The following NEK2 variants were observed in gnomAD, a reference collection of about 807,000 sequenced individuals.
The protein encoded by NEK2 is serine/threonine-protein kinase Nek2.
Under a neutral mutation model 54.1 loss-of-function variants are expected in NEK2, and 28 were observed. The ratio of observed to expected loss-of-function variants is 0.52; its 90% confidence interval spans 0.38 to 0.71. The LOEUF is 0.71. Ranked by LOEUF, NEK2 falls within the 30% of genes least tolerant of loss-of-function variation. The pLI is 0.00. For synonymous variants in NEK2, 176 were observed against 193.1 expected, an observed-to-expected ratio of 0.91 and a Z score of 0.73; for missense variants, 407 against 531.5, an observed-to-expected ratio of 0.77 and a Z score of 2.30.
At chr1:211,668,505 A>C (rs1411351877) in intron 6 of NEK2, among the ~76,000 whole-genome samples, 1 of 152,154 alleles carries the variant, frequency 6.6e-6, no homozygotes, top group African/African-American at 2.4e-5. Flanking sequence ...TGAACAGACC[A>C]GGTGTGGTAG....
downstream of NEK2, among the ~76,000 whole-genome samples, chr1:211,661,830 G>A (rs1214628672): frequency 6.6e-6 from 1 of 152,124 alleles, no homozygotes; most frequent in African/African-American, 2.4e-5. Flanking sequence ...TCTGACAAAG[G>A]GCATTTTTTT....
At chr1:211,668,963 C>T in intron 6 of NEK2, 150 bp downstream of exon 6, 1 of 748,280 alleles carries the variant, frequency 1.3e-6, no homozygotes, top group South Asian at 1.7e-5. Flanking sequence ...ATTAAAAAGT[C>T]TAAAATACAT....
At position 211,673,554 on chromosome 1, in the gene NEK2, G is replaced by A; in HGVS notation, c.484C>T (p.Leu162=). 4 of 1,614,070 alleles carry A rather than the reference G, an allele frequency of 2.5e-6. No homozygotes were observed. The highest frequency in any genetic ancestry group is 3.4e-6 in the Non-Finnish European group (4 of 1,179,932). Residue 162 remains leucine (L), a synonymous_variant, in exon 3 of 8, where the codon CTA becomes TTA. Coordinates refer to ENST00000366999, the MANE Select transcript of NEK2 (RefSeq NM_002497.4). The part of the protein sequence containing the change: ...KQNVKLGDFG[L]ARILNHDTSF... ...GTGTCATGGTTTAATATTCTAGCTAGCCCAAAGTCTCCAAGCTTGACGTTT... is the reference window on the plus strand; with the variant it reads ...GTGTCATGGTTTAATATTCTAGCTAACCCAAAGTCTCCAAGCTTGACGTTT...
intron 7 of NEK2, among the ~76,000 whole-genome samples, chr1:211,664,068 T>G (rs1306000064): frequency 1.3e-5 from 2 of 151,540 alleles, no homozygotes; most frequent in African/African-American, 2.4e-5. Flanking sequence ...CTTTGTTTTT[T>G]TTTTTTTTTT....
chr1:211,675,158 T>C (rs995665362), intron 1 of NEK2, among the ~76,000 whole-genome samples: 5 of 151,780 alleles, frequency 3.3e-5, no homozygotes, highest in African/African-American at 1.2e-4. Flanking sequence ...AAGAGAGAAA[T>C]GGGGAGAGAA....
intron 4 of NEK2, 135 bp from the exon 5 acceptor site, chr1:211,670,542 T>A (rs560437897): frequency 1.9e-6 from 2 of 1,051,562 alleles, no homozygotes; most frequent in Non-Finnish European, 2.8e-6. Flanking sequence ...GGGATTTTCT[T>A]CTTATAAGTA....
chr1:211,660,224 C>A, downstream of NEK2: 1 of 328,386 alleles, frequency 3.0e-6, no homozygotes. Context: ...CACGCCAGCC[C>A]CAGAAAGATG....
In NEK2 at chr1:211,667,113, A is replaced by G. The variant is rs1378870994; in HGVS notation, c.1104T>C (p.Ser368=). 1 of 1,613,654 alleles carries G rather than the reference A, an allele frequency of 6.2e-7. No homozygotes were observed. The highest frequency in any genetic ancestry group is 1.3e-5 in the African/African-American group (1 of 74,920). The part of the protein sequence containing the change: ...LKERKFLSLA[S]NPELLNLPSS... ...CCAAGTTGATTCTCATACCTGGATT[A>G]CTTGCCAGAGACAGGAACTTCCGTT... Residue 368 remains serine (S), a synonymous_variant, in exon 7 of 8, where the codon AGT becomes AGC. Transcript: ENST00000366999.
downstream of NEK2, chr1:211,660,312 C>A: frequency 2.1e-6 from 1 of 473,298 alleles, no homozygotes; most frequent in Non-Finnish European, 4.2e-6. Context: ...CCTCATACTG[C>A]AAGAACACGG....
chr1:211,661,364 A>G, downstream of NEK2: 1 of 392,320 alleles, frequency 2.5e-6, no homozygotes. Flanking sequence ...TTTTCTATCA[A>G]ATGCATTGGG....
chr1:211,667,161 C>G lies in NEK2; in HGVS notation c.1056G>C (p.Leu352Phe), dbSNP rs768461134. The change falls in exon 7 of 8, where the codon TTG (leucine) becomes TTC (phenylalanine). Residue 352 changes from leucine (L) to phenylalanine (F), a missense_variant. By Grantham distance (22) the Leu-to-Phe change is conservative. Coordinates refer to ENST00000366999, the MANE Select transcript of NEK2 (RefSeq NM_002497.4). ...EDKLARAENL[L>F]KNYSLLKERK... ...GTTCCTTTAGCAAGCTGTAGTTCTT[C>G]AACAGATTTTCTGCTCTAGCCAGTT... The G allele has an allele frequency of 9.9e-6, 16 of 1,613,716 alleles. 1 individual carries two copies. The highest frequency in any genetic ancestry group is 4.2e-6 in the Non-Finnish European group (5 of 1,179,802).
intron 7 of NEK2, 151 bp downstream of exon 7, chr1:211,666,955 T>C: frequency 6.9e-7 from 1 of 1,453,822 alleles, no homozygotes; most frequent in Non-Finnish European, 9.0e-7. Context: ...CAGAATTTTG[T>C]TTCCATTGAA....
At chr1:211,671,466 T>C (rs769828387) in intron 3 of NEK2, among the ~76,000 whole-genome samples, 182 bp from the exon 4 acceptor site, 2 of 152,242 alleles carry the variant, frequency 1.3e-5, no homozygotes, top group Admixed American at 6.5e-5. Context: ...CACTCCATCA[T>C]ACATAATTCA....
chr1:211,670,131 A>T (rs1452535719), intron 5 of NEK2, 150 bp downstream of exon 5: 7 of 775,924 alleles, frequency 9.0e-6, no homozygotes, highest in South Asian at 3.5e-5. Context: ...CCAAATTTAC[A>T]TATGTTTTCA....
chr1:211,670,902 T>C (rs1655357654), intron 4 of NEK2, among the ~76,000 whole-genome samples: 1 of 152,208 alleles, frequency 6.6e-6, no homozygotes, highest in Non-Finnish European at 1.5e-5. Flanking sequence ...ATCCTTACAG[T>C]AGCTTTACCT....
intron 5 of NEK2, among the ~76,000 whole-genome samples, chr1:211,669,873 G>A (rs531977394): frequency 3.3e-5 from 5 of 152,012 alleles, no homozygotes; most frequent in Non-Finnish European, 5.9e-5. Context: ...TCCTCCGTCC[G>A]CCCTCCATCA....
At chr1:211,660,718 G>A (rs1455685207), downstream of NEK2, 2 of 677,238 alleles carry the variant, frequency 3.0e-6, no homozygotes, top group Non-Finnish European at 5.6e-6. Flanking sequence ...TTGCCCTGGG[G>A]GTGCTGTGAT....
chr1:211,669,189 C>G lies in NEK2; in HGVS notation c.909G>C (p.Leu303Phe). ...GAATTTCCTTCAGTTTCAGCTCACT[C>G]AATACAGGGCTGGAATCCTGCGATT... ...PEKSQDSSPV[L>F]SELKLKEIQL... Residue 303 changes from leucine to phenylalanine, a missense_variant, in exon 6 of 8, where the codon TTG (leucine) becomes TTC (phenylalanine). Leu to Phe is a conservative substitution (Grantham distance 22, BLOSUM62 0). Coordinates refer to ENST00000366999, the MANE Select transcript of NEK2 (RefSeq NM_002497.4). 6.2e-7 allele frequency: 1 copy of G among 1,614,000 alleles called. No homozygotes were observed. Among genetic ancestry groups the G allele is most frequent in the Non-Finnish European group, 8.5e-7 (1 of 1,179,890 alleles).
At position 211,663,458 on chromosome 1, in the gene NEK2, G is replaced by T; in HGVS notation, c.1306C>A (p.Leu436Met). ...ALSDIEKNYQ[L>M]KSRQILGMR is the part of the protein sequence containing the mutation. ...ATGCCCAGGATCTGTCTGCTTTTCAGTTGGTAATTTTTCTCAATATCTGAC... is the reference window on the plus strand; with the variant it reads ...ATGCCCAGGATCTGTCTGCTTTTCATTTGGTAATTTTTCTCAATATCTGAC... The change falls in exon 8 of 8, where the codon CTG (leucine) becomes ATG (methionine). Residue 436 changes from leucine (L) to methionine (M), a missense_variant. By Grantham distance (15) the Leu-to-Met change is conservative. Coordinates refer to ENST00000366999, the MANE Select transcript of NEK2 (RefSeq NM_002497.4). 2 of 1,613,632 alleles carry T rather than the reference G, an allele frequency of 1.2e-6. No homozygotes were observed. Among genetic ancestry groups the T allele is most frequent in the Non-Finnish European group, 1.7e-6 (2 of 1,179,702 alleles).
Sources: allele counts gnomAD v4.1 joint callset (sites outside exome capture counted in the v4.1 genomes callset), GRCh38; gene constraint gnomAD v4.1.1; transcripts MANE v1.5; gene names NCBI Gene and HGNC (gene_info 2026-07-23, HGNC 2026-07-21).